The following SAT2 variants were observed in gnomAD, a reference collection of about 807,000 sequenced individuals.
SAT2 encodes spermidine/spermine N1-acetyltransferase family member 2.
In SAT2, 19 loss-of-function variants were observed where a neutral mutation model predicts 24.8. The observed-to-expected ratio is 0.77, with a 90% CI of 0.53 to 1.12. SAT2 has a LOEUF of 1.12. Among genes scored for constraint, SAT2 ranks in the 50% most tolerant of loss-of-function variants. The pLI, the probability that SAT2 is intolerant of heterozygous loss-of-function variation, is 0.00. For missense variants in SAT2, 190 were observed against 210.7 expected (o/e 0.90, Z 0.61); for synonymous variants, 77 against 77.4 (o/e 0.99, Z 0.03).
At position 7,626,621 on chromosome 17, in the gene SAT2, G is replaced by A; in HGVS notation, c.346-7C>T. ...AGCCCTTATCCAAGGCCACCTGTGG[G>A]AGAAGACAACACTAACTTTTCTGGG... is the stretch of plus-strand genomic sequence containing the variant. On this transcript the variant is annotated splice_region_variant and splice_polypyrimidine_tract_variant and intron_variant, in intron 5 of 5. Transcript: ENST00000269298. 1 of 1,612,024 alleles carries A rather than the reference G, an allele frequency of 6.2e-7. No individual in the cohort carries two copies. Among genetic ancestry groups the A allele is most frequent in the Non-Finnish European group, 8.5e-7 (1 of 1,179,072 alleles).
Position 7,627,379 on chromosome 17 carries a change from C to T in SAT2, c.102G>A (p.Val34=). Residue 34 remains valine, a synonymous_variant, in exon 2 of 6, where the codon GTG becomes GTA. Coordinates refer to ENST00000269298, the MANE Select transcript of SAT2 (RefSeq NM_133491.5). The surrounding 1 kb of genome is among the most constrained non-coding windows in gnomAD (Gnocchi z 4.8). ...LAEFEKLSDQ[V]KISEEALRAD... ...AGCCCCCACCTTCTTCACTGATCTT[C>T]ACCTGATCCGAGAGTTTTTCGAATT... The T allele has an allele frequency of 6.2e-7, 1 of 1,614,212 alleles. No homozygotes were observed. Among genetic ancestry groups the T allele is most frequent in the Non-Finnish European group, 8.5e-7 (1 of 1,180,050 alleles).
At position 7,626,542 on chromosome 17, in the gene SAT2, A is replaced by G; in HGVS notation, c.418T>C (p.Tyr140His). 1.2e-6 allele frequency: 2 copies of G among 1,614,186 alleles called. No individual in the cohort carries two copies. Among genetic ancestry groups the G allele is most frequent in the Non-Finnish European group, 1.7e-6 (2 of 1,180,036 alleles). Reference sequence around the variant, plus strand: ...AGATCTTGGGCTCCTAGGGCCTTGTACAAGTCCATGGCCCTCTGGTTCCAG... The same window carrying G: ...AGATCTTGGGCTCCTAGGGCCTTGTGCAAGTCCATGGCCCTCTGGTTCCAG... ...LDWNQRAMDL[Y>H]KALGAQDLTE... The change falls in exon 6 of 6, where the codon TAC becomes CAC. Residue 140 changes from tyrosine to histidine, a missense_variant. Physicochemically the swap from Tyr to His is moderately conservative, Grantham distance 83. Coordinates refer to ENST00000269298, the MANE Select transcript of SAT2 (RefSeq NM_133491.5).
rs759988000 is a variant in SAT2, at chr17:7,627,593, C to T, written c.43G>A (p.Gly15Arg). 3.1e-6 allele frequency: 5 copies of T among 1,612,304 alleles called. No individual in the cohort carries two copies. The highest frequency in any genetic ancestry group is 4.2e-6 in the Non-Finnish European group (5 of 1,179,172). Residue 15 changes from glycine to arginine, a missense_variant, in exon 1 of 6, where the codon GGA becomes AGA. Gly to Arg is a moderately radical substitution (Grantham distance 125). Coordinates refer to ENST00000269298, the MANE Select transcript of SAT2 (RefSeq NM_133491.5). This position sits in a 1 kb window ranked among gnomAD's most constrained non-coding sequence, Gnocchi z 4.8. ...RIREAKEGDC[G>R]DILRLIRELA... Reference sequence around the variant, plus strand: ...ACCCGAATCAGCCTCAGGATATCTCCACAGTCTCCCTCCTTGGCCTCTCGG... The same window carrying T: ...ACCCGAATCAGCCTCAGGATATCTCTACAGTCTCCCTCCTTGGCCTCTCGG...
chr17:7,626,448 C>T lies in SAT2; in HGVS notation c.512G>A (p.Ter171=). The change falls in exon 6 of 6, where the codon TGA becomes TAA. Residue 171 remains the stop codon, a stop_retained_variant. Coordinates refer to ENST00000269298, the MANE Select transcript of SAT2 (RefSeq NM_133491.5). ...ACAGAGATCCTCCTAGGGATGGCGT[C>T]ACTTTCCTGCCAACTTTCTCGTTGC... ...GEATRKLAGK[*] 6.2e-7 allele frequency: 1 copy of T among 1,613,932 alleles called. No individual in the cohort carries two copies. The highest frequency in any genetic ancestry group is 8.5e-7 in the Non-Finnish European group (1 of 1,179,910).
At chr17:7,627,849 CG>C, upstream of SAT2, 1 of 654,764 alleles carries the variant, frequency 1.5e-6, no homozygotes. This position sits in a 1 kb window ranked among gnomAD's most constrained non-coding sequence, Gnocchi z 4.8. Context: ...ATCCTCTGTC[CG>C]GGCATAGCCC....
chr17:7,627,430 G>A lies in SAT2; in HGVS notation c.67-16C>T, dbSNP rs201828975. The A allele has an allele frequency of 3.3e-4, 530 of 1,614,018 alleles. 6 individuals are homozygous for A. In the South Asian group the frequency reaches 5.3e-3, roughly 16 times the overall value. The stretch of plus-strand genomic sequence containing the variant: ...CGGCTAGCTCCTAAGGCGTGGGTAC[G>A]GAAGCTAGATTAGAGCAGAAGGGCC... On this transcript the variant is annotated splice_polypyrimidine_tract_variant and intron_variant, in intron 1 of 5. Coordinates refer to ENST00000269298, the MANE Select transcript of SAT2 (RefSeq NM_133491.5). This position sits in a 1 kb window ranked among gnomAD's most constrained non-coding sequence, Gnocchi z 4.8.
Position 7,627,142 on chromosome 17 carries a change from C to T in SAT2, c.202+1G>A. The T allele has an allele frequency of 6.2e-7, 1 of 1,614,074 alleles. No individual in the cohort carries two copies. Among genetic ancestry groups the T allele is most frequent in the Non-Finnish European group, 8.5e-7 (1 of 1,180,010 alleles). On this transcript the variant is annotated splice_donor_variant, in intron 3 of 5. Coordinates refer to ENST00000269298, the MANE Select transcript of SAT2 (RefSeq NM_133491.5). LOFTEE classifies it high-confidence loss of function. The surrounding 1 kb of genome is among the most constrained non-coding windows in gnomAD (Gnocchi z 4.8). ...GACTTCTAAGGGCCAGGTGCTCTTA[C>T]CCAGTAGCTTCCCGGGCGCTGGAAG...
chr17:7,626,450 C>G lies in SAT2; in HGVS notation c.510G>C (p.Lys170Asn), dbSNP rs769709663. 1.5e-5 allele frequency: 25 copies of G among 1,613,858 alleles called. No homozygotes were observed. Among genetic ancestry groups the G allele is most frequent in the Non-Finnish European group, 1.9e-5 (23 of 1,179,946 alleles). ...AGAGATCCTCCTAGGGATGGCGTCA[C>G]TTTCCTGCCAACTTTCTCGTTGCCT... ...QGEATRKLAG[K>N] Residue 170 changes from lysine (K) to asparagine (N), a missense_variant, in exon 6 of 6, where the codon AAG (lysine) becomes AAC (asparagine). Lys to Asn is a moderately conservative substitution (Grantham distance 94). Coordinates refer to ENST00000269298, the MANE Select transcript of SAT2 (RefSeq NM_133491.5).
chr17:7,626,684 A>T, intron 5 of SAT2, 69 bp downstream of exon 5: 1 of 1,612,212 alleles, frequency 6.2e-7, no homozygotes, highest in South Asian at 1.1e-5. Context: ...CCCTCTTTCA[A>T]CCCGGGTCCC....
In SAT2 at chr17:7,627,582, C is replaced by T; in HGVS notation, c.54G>A (p.Leu18=). Residue 18 remains leucine (L), a synonymous_variant, in exon 1 of 6, where the codon CTG becomes CTA. Coordinates refer to ENST00000269298, the MANE Select transcript of SAT2 (RefSeq NM_133491.5). This position sits in a 1 kb window ranked among gnomAD's most constrained non-coding sequence, Gnocchi z 4.8. ...CTGCAGTCTTCACCCGAATCAGCCT[C>T]AGGATATCTCCACAGTCTCCCTCCT... ...EAKEGDCGDI[L]RLIRELAEFE... 1 of 1,611,520 alleles carries T rather than the reference C, an allele frequency of 6.2e-7. No individual in the cohort carries two copies. The highest frequency in any genetic ancestry group is 8.5e-7 in the Non-Finnish European group (1 of 1,178,666).
At position 7,627,710 on chromosome 17, in the gene SAT2, A is replaced by T. The variant is rs764537920; in HGVS notation, c.-75T>A. On this transcript the variant is annotated 5_prime_UTR_variant, in exon 1 of 6. Transcript: ENST00000269298. This position sits in a 1 kb window ranked among gnomAD's most constrained non-coding sequence, Gnocchi z 4.8. ...ACTAGACCCCTTAAAGGGCCTACGG[A>T]CTTGGATCCTGAAGAGCCTGAGAGA... is the stretch of plus-strand genomic sequence containing the variant. 1 of 1,547,154 alleles carries T rather than the reference A, an allele frequency of 6.5e-7. No individual in the cohort carries two copies. Among genetic ancestry groups the T allele is most frequent in the Non-Finnish European group, 8.9e-7 (1 of 1,120,100 alleles).
chr17:7,627,222 C>A lies in SAT2; in HGVS notation c.123G>T (p.Leu41=), dbSNP rs370121688. The change falls in exon 3 of 6, where the codon CTG becomes CTT. Residue 41 remains leucine, a synonymous_variant. Coordinates refer to ENST00000269298, the MANE Select transcript of SAT2 (RefSeq NM_133491.5). This position sits in a 1 kb window ranked among gnomAD's most constrained non-coding sequence, Gnocchi z 4.8. ...SDQVKISEEA[L]RADGFGDNPF... ...GATTGTCTCCAAAGCCATCTGCTCTCAGGGCTGCCGAGATTGGAGTTGTGA... is the reference window on the plus strand; with the variant it reads ...GATTGTCTCCAAAGCCATCTGCTCTAAGGGCTGCCGAGATTGGAGTTGTGA... The A allele has an allele frequency of 5.0e-6, 8 of 1,614,162 alleles. No homozygotes were observed. Among genetic ancestry groups the A allele is most frequent in the Non-Finnish European group, 6.8e-6 (8 of 1,180,022 alleles).
Position 7,626,399 on chromosome 17 carries a change from C to A in SAT2, c.*48G>T. 1.2e-6 allele frequency: 2 copies of A among 1,603,374 alleles called. No homozygotes were observed. Among genetic ancestry groups the A allele is most frequent in the Non-Finnish European group, 8.5e-7 (1 of 1,173,476 alleles). On this transcript the variant is annotated 3_prime_UTR_variant, in exon 6 of 6. Coordinates refer to ENST00000269298, the MANE Select transcript of SAT2 (RefSeq NM_133491.5). ...ACGTAGTCTCTGAAGAGTGCTTCAGCTGATGGGGAAGGAGAAACTCAAGAC... is the reference window on the plus strand; with the variant it reads ...ACGTAGTCTCTGAAGAGTGCTTCAGATGATGGGGAAGGAGAAACTCAAGAC...
chr17:7,627,088 G>T lies in SAT2; in HGVS notation c.203-44C>A. ...GAGTAAGGCTTCTGGAAGCCTGTGG[G>T]GAGACCTCTGAGGCCGGCTGGAGAG... On this transcript the variant is annotated intron_variant, in intron 3 of 5. Coordinates refer to ENST00000269298, the MANE Select transcript of SAT2 (RefSeq NM_133491.5). This position sits in a 1 kb window ranked among gnomAD's most constrained non-coding sequence, Gnocchi z 4.8. The T allele has an allele frequency of 6.2e-7, 1 of 1,612,942 alleles. No homozygotes were observed. Among genetic ancestry groups the T allele is most frequent in the Non-Finnish European group, 8.5e-7 (1 of 1,178,920 alleles).
Position 7,627,743 on chromosome 17 carries a change from G to T in SAT2, c.-108C>A. 7.5e-7 allele frequency: 1 copy of T among 1,326,906 alleles called. No homozygotes were observed. The highest frequency in any genetic ancestry group is 1.1e-6 in the Non-Finnish European group (1 of 930,534). The allele number at this position is 1,326,906 out of a possible 1,614,324, so 82.2% of individuals were successfully genotyped here. A position where few individuals can be genotyped will look rare whatever the true frequency, so the allele number is the denominator to read the frequency against. On this transcript the variant is annotated 5_prime_UTR_variant, in exon 1 of 6. Coordinates refer to ENST00000269298, the MANE Select transcript of SAT2 (RefSeq NM_133491.5). The surrounding 1 kb of genome is among the most constrained non-coding windows in gnomAD (Gnocchi z 4.8). ...CCTGAAGAGCCTGAGAGAGCGGGGT[G>T]GCGGGAGTCGGGGGGGACGGCGGGG...
Position 7,626,446 on chromosome 17 carries a change from G to A in SAT2, c.*1C>T, listed in dbSNP as rs748114191. On this transcript the variant is annotated 3_prime_UTR_variant, in exon 6 of 6. Transcript: ENST00000269298. ...AGACAGAGATCCTCCTAGGGATGGC[G>A]TCACTTTCCTGCCAACTTTCTCGTT... 107 of 1,613,764 alleles carry A rather than the reference G, an allele frequency of 6.6e-5. 1 individual carries two copies. Among genetic ancestry groups the A allele is most frequent in the East Asian group, 2.7e-4 (12 of 44,878 alleles).
chr17:7,627,482 G>T lies in SAT2; in HGVS notation c.67-68C>A. The T allele has an allele frequency of 3.1e-6, 5 of 1,606,244 alleles. No individual in the cohort carries two copies. Among genetic ancestry groups the T allele is most frequent in the Non-Finnish European group, 4.3e-6 (5 of 1,173,610 alleles). On this transcript the variant is annotated intron_variant, in intron 1 of 5. Transcript: ENST00000269298. The surrounding 1 kb of genome is among the most constrained non-coding windows in gnomAD (Gnocchi z 4.8). ...CGCTGCTCCCCGAGCAGGTTCCCAAGGCGAGCCCCTCCCCCTGCCCCCGCC... is the reference window on the plus strand; with the variant it reads ...CGCTGCTCCCCGAGCAGGTTCCCAATGCGAGCCCCTCCCCCTGCCCCCGCC...
In SAT2 at chr17:7,627,418, A is replaced by G; in HGVS notation, c.67-4T>C. The G allele has an allele frequency of 6.2e-7, 1 of 1,614,012 alleles. No homozygotes were observed. The highest frequency in any genetic ancestry group is 1.1e-5 in the South Asian group (1 of 91,060). On this transcript the variant is annotated splice_region_variant and splice_polypyrimidine_tract_variant and intron_variant, in intron 1 of 5. Transcript: ENST00000269298. The surrounding 1 kb of genome is among the most constrained non-coding windows in gnomAD (Gnocchi z 4.8). ...GTTTTTCGAATTCGGCTAGCTCCTA[A>G]GGCGTGGGTACGGAAGCTAGATTAG...
chr17:7,627,180 C>A lies in SAT2; in HGVS notation c.165G>T (p.Leu55Phe). The change falls in exon 3 of 6, where the codon TTG becomes TTT. Residue 55 changes from leucine to phenylalanine, a missense_variant. By Grantham distance (22) the Leu-to-Phe change is conservative. Coordinates refer to ENST00000269298, the MANE Select transcript of SAT2 (RefSeq NM_133491.5). This position sits in a 1 kb window ranked among gnomAD's most constrained non-coding sequence, Gnocchi z 4.8. ...CGGGCGCTGGAAGAATCTCTGCTAC[C>A]AAACAGTGATAGAAAGGATTGTCTC... The part of the protein sequence containing the change: ...GFGDNPFYHC[L>F]VAEILPAPGK... The A allele has an allele frequency of 1.2e-6, 2 of 1,614,100 alleles. No homozygotes were observed. The highest frequency in any genetic ancestry group is 1.7e-6 in the Non-Finnish European group (2 of 1,180,026).
Sources: gnomAD v4.1 joint callset for allele counts on GRCh38, gnomAD v4.1.1 for gene constraint, Gnocchi (gnomAD v3.1) non-coding constraint, MANE v1.5 for transcripts, NCBI Gene and HGNC (gene_info 2026-07-23, HGNC 2026-07-21) for gene names.